TAFA5: variants seen among roughly 807,000 people sequenced by gnomAD.
The protein encoded by TAFA5 is TAFA chemokine like family member 5.
A neutral mutation model predicts 15.3 loss-of-function variants in TAFA5; 6 were observed. The observed-to-expected ratio is 0.39, with a 90% CI of 0.21 to 0.77. The LOEUF is 0.77. Ranked by LOEUF, TAFA5 falls within the 30% of genes least tolerant of loss-of-function variation. The pLI is 0.41. For synonymous variants in TAFA5, 103 were observed against 80.7 expected (o/e 1.28, Z -1.48); for missense variants, 161 against 193.1 (o/e 0.83, Z 0.98).
intron 3 of TAFA5, among the ~76,000 whole-genome samples, chr22:48,740,787 A>G (rs1383326921): frequency 6.6e-6 from 1 of 152,136 alleles, no homozygotes; most frequent in Admixed American, 6.5e-5. Flanking sequence ...GTCTGCAGGC[A>G]CCGTGCTGAG....
intron 2 of TAFA5, among the ~76,000 whole-genome samples, chr22:48,681,654 A>G (rs1030300473): frequency 2.2e-5 from 3 of 138,470 alleles, no homozygotes; most frequent in Non-Finnish European, 4.5e-5. Flanking sequence ...CCATCTCCAA[A>G]AAAAAAAAAA....
intron 3 of TAFA5, among the ~76,000 whole-genome samples, chr22:48,747,584 A>C (rs130232): frequency 0.34 from 51,435 of 151,966 alleles, 9,758 homozygotes; most frequent in Non-Finnish European, 0.43. Flanking sequence ...TGGAACCTTT[A>C]GTATGGGCTC....
intron 1 of TAFA5, among the ~76,000 whole-genome samples, chr22:48,491,355 C>A (rs777099320): frequency 1.3e-5 from 2 of 152,096 alleles, no homozygotes; most frequent in Non-Finnish European, 2.9e-5. Flanking sequence ...AATGCACTTC[C>A]TGGTGGCATC....
intron 1 of TAFA5, among the ~76,000 whole-genome samples, chr22:48,492,509 C>A (rs1266075462): frequency 6.6e-6 from 1 of 152,138 alleles, no homozygotes; most frequent in Admixed American, 6.5e-5. Context: ...AGAGTCCGGC[C>A]TTCTTTCTTT....
intron 2 of TAFA5, among the ~76,000 whole-genome samples, chr22:48,654,648 A>G (rs1927175552): frequency 1.3e-5 from 2 of 152,216 alleles, no homozygotes; most frequent in South Asian, 4.1e-4. Flanking sequence ...AATCACTCCC[A>G]ACAAACTTGG....
chr22:48,571,785 T>C (rs542063672), intron 1 of TAFA5, among the ~76,000 whole-genome samples: 5 of 152,084 alleles, frequency 3.3e-5, no homozygotes, highest in African/African-American at 1.2e-4. Context: ...AAATGAAAGT[T>C]GGATGTTTAA....
At chr22:48,698,395 G>T (rs1928795171) in intron 2 of TAFA5, among the ~76,000 whole-genome samples, 1 of 150,930 alleles carries the variant, frequency 6.6e-6, no homozygotes, top group African/African-American at 2.4e-5. Context: ...TGATGATGGT[G>T]ATGGTGGTGA....
chr22:48,700,202 A>G (rs889034317), intron 2 of TAFA5, among the ~76,000 whole-genome samples: 15 of 152,182 alleles, frequency 9.9e-5, no homozygotes, highest in Admixed American at 9.8e-4. Flanking sequence ...ATGTTCCAGA[A>G]CAAGTAACTC....
At chr22:48,659,676 C>T (rs987839109) in intron 2 of TAFA5, among the ~76,000 whole-genome samples, 4 of 152,170 alleles carry the variant, frequency 2.6e-5, no homozygotes, top group East Asian at 1.9e-4. Flanking sequence ...AGCTGCTGTC[C>T]TCTCTGAGCT....
intron 1 of TAFA5, among the ~76,000 whole-genome samples, chr22:48,608,511 G>A (rs561483076): frequency 7.7e-4 from 117 of 152,194 alleles, no homozygotes; most frequent in African/African-American, 2.4e-3. Context: ...TGTCCATGTA[G>A]GAAGTCATCT....
chr22:48,603,363 G>A (rs904551812), intron 1 of TAFA5, among the ~76,000 whole-genome samples: 1 of 152,250 alleles, frequency 6.6e-6, no homozygotes, highest in African/African-American at 2.4e-5. Flanking sequence ...CGGCCACGCA[G>A]TGCGGCCACG....
chr22:48,578,164 C>T (rs1471079944), intron 1 of TAFA5, among the ~76,000 whole-genome samples: 8 of 152,158 alleles, frequency 5.3e-5, no homozygotes, highest in South Asian at 2.1e-4. Context: ...GCGGAAAGGG[C>T]GTGTATGTGA....
At chr22:48,595,197 C>A (rs556014131) in intron 1 of TAFA5, among the ~76,000 whole-genome samples, 1 of 152,316 alleles carries the variant, frequency 6.6e-6, no homozygotes, top group East Asian at 1.9e-4. Context: ...CAAAGCAGTT[C>A]CCTTCCCACC....
At chr22:48,678,948 T>TCC (rs1928071001) in intron 2 of TAFA5, among the ~76,000 whole-genome samples, 1 of 148,212 alleles carries the variant, frequency 6.7e-6, no homozygotes, top group African/African-American at 2.5e-5. Flanking sequence ...GTCTCCCAGC[T>TCC]CTGCGTCCAT....
intron 1 of TAFA5, among the ~76,000 whole-genome samples, chr22:48,537,626 A>G (rs1922214766): frequency 6.6e-6 from 1 of 152,170 alleles, no homozygotes; most frequent in Non-Finnish European, 1.5e-5. Context: ...TGTCAAACCA[A>G]ATGCCATGGC....
intron 2 of TAFA5, among the ~76,000 whole-genome samples, chr22:48,672,955 A>AT (rs1927847174): frequency 6.6e-6 from 1 of 152,184 alleles, no homozygotes. Flanking sequence ...AGAGCCCTGG[A>AT]TGCCGAGTCC....
At chr22:48,735,236 TCTC>T (rs1297021363) in intron 3 of TAFA5, among the ~76,000 whole-genome samples, 1 of 152,056 alleles carries the variant, frequency 6.6e-6, no homozygotes, top group African/African-American at 2.4e-5. Flanking sequence ...GAGCCCCTGA[TCTC>T]CTCTAGCCAC....
At chr22:48,496,618 C>T (rs1569159113) in intron 1 of TAFA5, among the ~76,000 whole-genome samples, 2 of 152,282 alleles carry the variant, frequency 1.3e-5, no homozygotes, top group East Asian at 3.9e-4. Context: ...TCTGACGTCA[C>T]CCACTCCACC....
In TAFA5 at chr22:48,521,010, G is replaced by A. The variant is rs145479004; in HGVS notation, c.112+31306G>A. Among the ~76,000 whole-genome samples the A allele has an allele frequency of 7.3e-3, 1,109 of 152,290 alleles. 14 individuals are homozygous for A. Among genetic ancestry groups the A allele is most frequent in the African/African-American group, 0.025 (1,051 of 41,556 alleles). ...TGAGTTCTGCCTGTGTTCAAAAGAT[G>A]TCTCTTTGTAGGGGATGTGTGCGTG... is the stretch of plus-strand genomic sequence containing the variant. On this transcript the variant is annotated intron_variant, in intron 1 of 3. Transcript: ENST00000402357.
Sources: allele counts gnomAD v4.1 joint callset (sites outside exome capture counted in the v4.1 genomes callset), GRCh38; gene constraint gnomAD v4.1.1; transcripts MANE v1.5; gene names NCBI Gene and HGNC (gene_info 2026-07-23, HGNC 2026-07-21).